Variants in RPL3L observed in about 807,000 individuals in gnomAD.
The protein encoded by RPL3L is ribosomal protein L3 like.
A neutral mutation model predicts 44.5 loss-of-function variants in RPL3L; 44 were observed. That is an observed-to-expected ratio of 0.99 (90% CI 0.78 to 1.27). RPL3L has a LOEUF of 1.27. Among genes scored for constraint, RPL3L ranks in the 50% most tolerant of loss-of-function variants. The probability of loss-of-function intolerance (pLI) is 0.00; values close to 1 mark genes in which losing one functional copy is unlikely to be tolerated. For missense variants in RPL3L, 631 were observed against 569.1 expected (o/e 1.11, Z -1.11); for synonymous variants, 292 against 230.7 (o/e 1.27, Z -2.41).
chr16:1,950,778 C>T, intron 4 of RPL3L, 66 bp downstream of exon 4: 1 of 1,609,882 alleles, frequency 6.2e-7, no homozygotes. Context: ...TGCCACAGCT[C>T]CTGGAAGCTG....
At chr16:1,951,744 T>A (rs1272462065) in intron 3 of RPL3L, among the ~76,000 whole-genome samples, 4 of 146,750 alleles carry the variant, frequency 2.7e-5, no homozygotes, top group African/African-American at 9.9e-5. Context: ...TTATTATTAT[T>A]ATTATTATTA....
intron 1 of RPL3L, 66 bp from the exon 2 acceptor site, chr16:1,954,214 G>A: frequency 7.0e-7 from 1 of 1,421,198 alleles, no homozygotes; most frequent in South Asian, 1.5e-5. Context: ...GATGGTCCCA[G>A]AACCCATACC....
intron 4 of RPL3L, among the ~76,000 whole-genome samples, chr16:1,949,048 T>C (rs1597027120): frequency 6.9e-6 from 1 of 144,114 alleles, no homozygotes; most frequent in African/African-American, 2.6e-5. Flanking sequence ...GATCTCCCTA[T>C]GTTGCCAAGA....
chr16:1,953,865 GC>G, intron 2 of RPL3L, 90 bp downstream of exon 2: 1 of 1,294,424 alleles, frequency 7.7e-7, no homozygotes, highest in Non-Finnish European at 1.0e-6. Flanking sequence ...TGGGACTGTG[GC>G]CCTGTCTGGA....
intron 4 of RPL3L, among the ~76,000 whole-genome samples, chr16:1,950,174 T>C (rs383226): frequency 0.089 from 4,000 of 44,988 alleles, 275 homozygotes; most frequent in African/African-American, 0.18. Context: ...ATGTATGGGG[T>C]GGGTATGTAT....
chr16:1,946,760 G>A (rs1490350324), intron 6 of RPL3L, 34 bp from the exon 7 acceptor site: 2 of 1,609,040 alleles, frequency 1.2e-6, no homozygotes, highest in Admixed American at 1.7e-5. Flanking sequence ...GGGGCAGGAA[G>A]TGGCCTCTGA....
rs1380775714 is a variant in RPL3L at position 1,944,839 on chromosome 16, A to G, written c.1222T>C (p.Ter408GlnextTer6). ...AGGGTTCATCCACCCCACACAGCCT[A>G]CAAGTCTCCCGAGGTCTCCGGCGTT... ...KETPETSGDL[*>Q] The change falls in exon 10 of 10, where the codon TAG becomes CAG. Residue 408 changes from the stop codon to glutamine, a stop_lost. Coordinates refer to ENST00000268661, the MANE Select transcript of RPL3L (RefSeq NM_005061.3). The G allele has an allele frequency of 6.2e-7, 1 of 1,614,066 alleles. No individual in the cohort carries two copies. The highest frequency in any genetic ancestry group is 8.5e-7 in the Non-Finnish European group (1 of 1,180,008).
chr16:1,944,858 CG>C lies in RPL3L; in HGVS notation c.1202del (p.Pro401ArgfsTer16). On this transcript the variant is annotated frameshift_variant, in exon 10 of 10. Transcript: ENST00000268661. LOFTEE classifies it high-confidence loss of function. Reference protein sequence around the residue: ...PQKKHLEKETPETSGDL With the variant: ...PQKKHLEKETXETSGDL ...CAGCCTACAAGTCTCCCGAGGTCTC[CG>C]GCGTTTCCTTCTCCAGATGCTTCTT... The C allele has an allele frequency of 6.2e-7, 1 of 1,614,076 alleles. No individual in the cohort carries two copies. Among genetic ancestry groups the C allele is most frequent in the Non-Finnish European group, 8.5e-7 (1 of 1,180,022 alleles).
chr16:1,952,718 C>T (rs535376086), intron 3 of RPL3L, among the ~76,000 whole-genome samples, 156 bp downstream of exon 3: 188 of 152,156 alleles, frequency 1.2e-3, no homozygotes, highest in Non-Finnish European at 2.4e-3. Flanking sequence ...ACAACACACA[C>T]ACACACACAC....
chr16:1,945,824 G>A lies in RPL3L; in HGVS notation c.1047+11C>T. On this transcript the variant is annotated intron_variant, in intron 8 of 9. Coordinates refer to ENST00000268661, the MANE Select transcript of RPL3L (RefSeq NM_005061.3). Reference sequence around the variant, plus strand: ...GGGCACCCACTCCCCAGCCCACCCAGCACTGCCAACCTTTCTCAGCGTAAT... The same window carrying A: ...GGGCACCCACTCCCCAGCCCACCCAACACTGCCAACCTTTCTCAGCGTAAT... 6.2e-7 allele frequency: 1 copy of A among 1,613,830 alleles called. No homozygotes were observed. The highest frequency in any genetic ancestry group is 8.5e-7 in the Non-Finnish European group (1 of 1,179,902).
chr16:1,953,885 G>T (rs549528567), intron 2 of RPL3L, 71 bp downstream of exon 2: 50 of 1,376,498 alleles, frequency 3.6e-5, no homozygotes, highest in Middle Eastern at 2.6e-4. Context: ...GACCAAAAGC[G>T]TGAGTTCTGG....
intron 3 of RPL3L, among the ~76,000 whole-genome samples, chr16:1,952,180 G>T (rs2083175553): frequency 6.6e-6 from 1 of 151,542 alleles, no homozygotes; most frequent in African/African-American, 2.4e-5. Flanking sequence ...TGTTGGCCAG[G>T]CTGGTCTCGA....
chr16:1,945,262 G>A (rs1404610390), intron 9 of RPL3L, among the ~76,000 whole-genome samples: 1 of 151,676 alleles, frequency 6.6e-6, no homozygotes, highest in East Asian at 1.9e-4. Flanking sequence ...GGCTGAATCT[G>A]GAGAATTGCT....
At position 1,946,670 on chromosome 16, in the gene RPL3L, A is replaced by G; in HGVS notation, c.906T>C (p.Asn302=). 2.5e-6 allele frequency: 4 copies of G among 1,612,798 alleles called. No homozygotes were observed. Among genetic ancestry groups the G allele is most frequent in the Non-Finnish European group, 2.5e-6 (3 of 1,179,950 alleles). Residue 302 remains asparagine (N), a synonymous_variant, in exon 7 of 10, where the codon AAT becomes AAC. Coordinates refer to ENST00000268661, the MANE Select transcript of RPL3L (RefSeq NM_005061.3). ...HMEDGKLVKN[N]ASTSYDVTAK... ...CAGTCACGTCGTAGCTGGTGGATGC[A>G]TTGTTCTTCACCAGCTTCCCGTCCT...
rs201602086 is a variant in RPL3L at position 1,952,995 on chromosome 16, G to C, written c.244C>G (p.Pro82Ala). The change falls in exon 3 of 10, where the codon CCG (proline) becomes GCG (alanine). Residue 82 changes from proline (P) to alanine (A), a missense_variant. By Grantham distance (27) the Pro-to-Ala change is conservative. Transcript: ENST00000268661. The stretch of plus-strand genomic sequence containing the variant: ...ACCACGCCCACCACCACTAGGGGCG[G>C]CGTTTCTACAATTGTCACCGCCTCC... ...EVEAVTIVET[P>A]PLVVVGVVGY... 721 of 1,610,496 alleles carry C rather than the reference G, an allele frequency of 4.5e-4. 7 individuals are homozygous for C. The East Asian group carries it at 0.012, about 26-fold the overall frequency.
intron 4 of RPL3L, among the ~76,000 whole-genome samples, chr16:1,948,769 G>A (rs1029913420): frequency 5.9e-5 from 9 of 151,524 alleles, no homozygotes; most frequent in Non-Finnish European, 1.3e-4. Context: ...AGGCTGGAGT[G>A]CAGTGGCGCA....
In RPL3L at chr16:1,950,929, T is replaced by C; in HGVS notation, c.416A>G (p.Asp139Gly). 1.2e-6 allele frequency: 2 copies of C among 1,614,010 alleles called. No homozygotes were observed. The highest frequency in any genetic ancestry group is 1.7e-6 in the Non-Finnish European group (2 of 1,179,960). Residue 139 changes from aspartate (D) to glycine (G), a missense_variant, in exon 4 of 10, where the codon GAC becomes GGC. Asp to Gly is a moderately conservative substitution (Grantham distance 94, BLOSUM62 -1). Coordinates refer to ENST00000268661, the MANE Select transcript of RPL3L (RefSeq NM_005061.3). The part of the protein sequence containing the change: ...AFTKACKRWR[D>G]TDGKKQLQKD... Reference sequence around the variant, plus strand: ...CTGTAGCTGCTTTTTCCCGTCTGTGTCCCGCCACCTCTTGCAGGCCTTGGT... The same window carrying C: ...CTGTAGCTGCTTTTTCCCGTCTGTGCCCCGCCACCTCTTGCAGGCCTTGGT...
At chr16:1,946,494 G>T in intron 7 of RPL3L, 131 bp downstream of exon 7, 1 of 929,668 alleles carries the variant, frequency 1.1e-6, no homozygotes. Flanking sequence ...TGAGCCCTTG[G>T]GGCAGGGAGC....
intron 4 of RPL3L, among the ~76,000 whole-genome samples, chr16:1,949,792 G>T (rs1311365152): frequency 4.0e-4 from 17 of 42,590 alleles, no homozygotes; most frequent in African/African-American, 1.2e-3. Flanking sequence ...GGCAGGTATG[G>T]ACGGGGCAGG....
Sources: allele counts gnomAD v4.1 joint callset (sites outside exome capture counted in the v4.1 genomes callset), GRCh38; gene constraint gnomAD v4.1.1; transcripts MANE v1.5; gene names NCBI Gene and HGNC (gene_info 2026-07-23, HGNC 2026-07-21).